The following POM121 variants were observed in gnomAD, a reference collection of about 807,000 sequenced individuals.
POM121 encodes the protein POM121 transmembrane nucleoporin.
Under a neutral mutation model 81.3 loss-of-function variants are expected in POM121, and 32 were observed. That is an observed-to-expected ratio of 0.39 (90% CI 0.30 to 0.53). POM121 has a LOEUF of 0.53. POM121 is among the 20% of genes least tolerant of loss of function. The probability of loss-of-function intolerance (pLI) is 0.66; values close to 1 mark genes in which losing one functional copy is unlikely to be tolerated. For synonymous variants in POM121, 514 were observed against 694.2 expected (o/e 0.74, Z 4.08); for missense variants, 1,138 against 1,614.6 (o/e 0.70, Z 5.06).
intron 11 of POM121, among the ~76,000 whole-genome samples, chr7:72,943,741 C>T (rs1797376145): frequency 6.6e-6 from 1 of 151,932 alleles, no homozygotes; most frequent in African/African-American, 2.4e-5. Context: ...GAGTAGTTAA[C>T]AATTGTAAGC....
intron 9 of POM121, 44 bp from the exon 10 acceptor site, chr7:72,940,773 G>A: frequency 1.1e-6 from 1 of 892,660 alleles, no homozygotes; most frequent in South Asian, 1.6e-5. Context: ...GTGGAAAGAA[G>A]TCCCAGACAA....
intron 3 of POM121, among the ~76,000 whole-genome samples, chr7:72,912,583 T>C (rs1486616567): frequency 6.6e-6 from 1 of 152,110 alleles, no homozygotes. Flanking sequence ...GAGACCATCC[T>C]GGCCAACATG....
At chr7:72,888,118 C>G (rs1224459396) in intron 1 of POM121, among the ~76,000 whole-genome samples, 1 of 152,206 alleles carries the variant, frequency 6.6e-6, no homozygotes, top group East Asian at 1.9e-4. Flanking sequence ...TCTGCCTCAG[C>G]TTTCCAGAGT....
chr7:72,883,513 A>C (rs1215772848), intron 1 of POM121, among the ~76,000 whole-genome samples: 13 of 152,090 alleles, frequency 8.5e-5, no homozygotes, highest in Admixed American at 6.6e-4. Flanking sequence ...TTCTTAATAC[A>C]TGTGGCAGTT....
At chr7:72,922,924 G>GA (rs1794949968), upstream of POM121, among the ~76,000 whole-genome samples, 1 of 151,968 alleles carries the variant, frequency 6.6e-6, no homozygotes, top group African/African-American at 2.4e-5. Context: ...ATAGTTTAAA[G>GA]AGCCCCTACT....
At position 72,925,422 on chromosome 7, in the gene POM121, C is replaced by T. The variant is rs1554497018; in HGVS notation, c.301C>T (p.His101Tyr). The T allele has an allele frequency of 2.6e-6, 4 of 1,533,636 alleles. No homozygotes were observed. Among genetic ancestry groups the T allele is most frequent in the Non-Finnish European group, 2.6e-6 (3 of 1,146,456 alleles). Residue 101 changes from histidine (H) to tyrosine (Y), a missense_variant, in exon 1 of 13, where the codon CAT (histidine) becomes TAT (tyrosine). By Grantham distance (83) the His-to-Tyr change is moderately conservative. Transcript: ENST00000434423. Reference protein sequence around the residue: ...PLSSFVRKARHRRTLFASPLA... With the variant: ...PLSSFVRKARYRRTLFASPLA... The stretch of plus-strand genomic sequence containing the variant: ...GTCCTCCTTCGTTCGGAAGGCGCGT[C>T]ATCGGCGAACACTGTTCGCTTCGCC...
chr7:72,904,260 T>A (rs1793010560), intron 3 of POM121, among the ~76,000 whole-genome samples: 1 of 152,238 alleles, frequency 6.6e-6, no homozygotes, highest in Non-Finnish European at 1.5e-5. Context: ...ATAGTACACA[T>A]GGGCAGGTCT....
chr7:72,916,205 T>C (rs1398326743), intron 4 of POM121, among the ~76,000 whole-genome samples: 1 of 152,244 alleles, frequency 6.6e-6, no homozygotes, highest in Non-Finnish European at 1.5e-5. Flanking sequence ...TTGGCTTTTG[T>C]TGCAATTGCT....
At chr7:72,879,711 G>T in exon 1 of POM121, 1 of 449,964 alleles carries the variant, frequency 2.2e-6, no homozygotes, top group Non-Finnish European at 4.4e-6. Context: ...TCTGGGCCCC[G>T]AGAAGGACAC....
At chr7:72,879,967 G>C in intron 1 of POM121, 1 of 418,562 alleles carries the variant, frequency 2.4e-6, no homozygotes, top group South Asian at 1.7e-5. Context: ...GTGTGGGGCA[G>C]AGGGAGCGTC....
intron 1 of POM121, among the ~76,000 whole-genome samples, chr7:72,886,800 C>CT (rs1242511786): frequency 6.6e-6 from 1 of 151,364 alleles, no homozygotes; most frequent in Admixed American, 6.6e-5. Flanking sequence ...TATAACATGT[C>CT]TTTTTTTCTT....
At chr7:72,928,521 G>A (rs1176400817) in intron 4 of POM121, 56 bp downstream of exon 4, 77 of 1,572,756 alleles carry the variant, frequency 4.9e-5, no homozygotes, top group Non-Finnish European at 6.1e-5. Flanking sequence ...GGCCTGATCA[G>A]AGCTGTTGCC....
In POM121 at chr7:72,943,111, T is replaced by C. The variant is rs74672222; in HGVS notation, c.3118T>C (p.Leu1040=). 1.2e-6 allele frequency: 2 copies of C among 1,613,386 alleles called. No individual in the cohort carries two copies. The highest frequency in any genetic ancestry group is 3.3e-5 in the Admixed American group (2 of 59,862). Reference sequence around the variant, plus strand: ...CGGTGCCACGCACTCGGCGTTTGGGTTGAAAGCCACGGCTTCGGCCTTCGG... The same window carrying C: ...CGGTGCCACGCACTCGGCGTTTGGGCTGAAAGCCACGGCTTCGGCCTTCGG... The part of the protein sequence containing the change: ...FGGATHSAFG[L]KATASAFGAP... Residue 1040 remains leucine, a synonymous_variant, in exon 11 of 13, where the codon TTG becomes CTG. Transcript: ENST00000434423.
chr7:72,912,344 G>A (rs1480820790), intron 3 of POM121, among the ~76,000 whole-genome samples: 1 of 152,192 alleles, frequency 6.6e-6, no homozygotes, highest in African/African-American at 2.4e-5. Flanking sequence ...AAGACACGCA[G>A]CACAGTGCAG....
intron 3 of POM121, 118 bp from the exon 4 acceptor site, chr7:72,928,267 T>C: frequency 7.3e-7 from 1 of 1,365,144 alleles, no homozygotes; most frequent in East Asian, 2.3e-5. Flanking sequence ...CATTTTCTGG[T>C]CTATCATGGA....
At chr7:72,945,737 C>G (rs782137138) in intron 12 of POM121, 29 bp downstream of exon 12, 1 of 1,603,562 alleles carries the variant, frequency 6.2e-7, no homozygotes, top group Non-Finnish European at 8.5e-7. Context: ...TGTGGCCCTG[C>G]TCATCTGTCT....
downstream of POM121, chr7:72,948,848 T>G: frequency 6.4e-7 from 1 of 1,574,380 alleles, no homozygotes; most frequent in Non-Finnish European, 8.7e-7. Flanking sequence ...AAGAGAGCAG[T>G]TCACCCCATC....
Position 72,925,656 on chromosome 7 carries a change from TCCCCACCGCCGCGCTC to T in POM121, c.540_555del (p.Pro181ArgfsTer40). ...GGCGCCGCGCTCCCCACCGCCGCGC[TCCCCACCGCCGCGCTC>T]CCCCCCGCCCTCCCCGCCGACCCAT... On this transcript the variant is annotated frameshift_variant, in exon 1 of 13. Coordinates refer to ENST00000434423, the MANE Select transcript of POM121 (RefSeq NM_001387691.1). LOFTEE classifies it high-confidence loss of function. The T allele has an allele frequency of 2.4e-6, 2 of 840,830 alleles. No individual in the cohort carries two copies. The highest frequency in any genetic ancestry group is 2.8e-6 in the Non-Finnish European group (2 of 723,988). 52.1% of individuals were successfully genotyped at this position (840,830 alleles called of 1,614,324 possible).
At chr7:72,945,856 A>G in intron 12 of POM121, 148 bp downstream of exon 12, 1 of 1,415,990 alleles carries the variant, frequency 7.1e-7, no homozygotes. Flanking sequence ...CAACCCAGGG[A>G]TGGGAGTTGG....
Sources: gnomAD v4.1 joint callset for allele counts (sites outside exome capture counted in the v4.1 genomes callset) on GRCh38, gnomAD v4.1.1 for gene constraint, MANE v1.5 for transcripts, NCBI Gene and HGNC (gene_info 2026-07-23, HGNC 2026-07-21) for gene names.